Variants in LAMC3 observed in about 807,000 individuals in gnomAD.
LAMC3 encodes laminin subunit gamma-3.
In LAMC3, 128 loss-of-function variants were observed where a neutral mutation model predicts 173.8. The ratio of observed to expected loss-of-function variants is 0.74; its 90% CI spans 0.64 to 0.85. The LOEUF (loss-of-function observed/expected upper bound fraction) is 0.85. Among genes scored for constraint, LAMC3 ranks in the 40% least tolerant of loss-of-function variants. The pLI is 0.00. For missense variants in LAMC3, 2,022 were observed against 2,156.0 expected (o/e 0.94, Z 1.23); for synonymous variants, 897 against 909.1 (o/e 0.99, Z 0.24).
At chr9:131,073,944 C>CTTTTTT (rs57877574) in intron 20 of LAMC3, among the ~76,000 whole-genome samples, 28 of 90,806 alleles carry the variant, frequency 3.1e-4, no homozygotes, top group Non-Finnish European at 4.5e-4. Flanking sequence ...CTTTTCTTTT[C>CTTTTTT]TTTTTTTTTT....
rs767406480 is a variant in LAMC3 at position 131,032,126 on chromosome 9, G to A, written c.760G>A (p.Val254Met). 2 of 1,614,054 alleles carry A rather than the reference G, an allele frequency of 1.2e-6. No homozygotes were observed. The highest frequency in any genetic ancestry group is 2.2e-5 in the South Asian group (2 of 91,068). ...GGACGACATCTTCAAGGACCCCAAG[G>A]TGCTCCAGTCCTACTATTATGCCGT... ...FGDDIFKDPK[V>M]LQSYYYAVSD... The change falls in exon 3 of 28, where the codon GTG becomes ATG. Residue 254 changes from valine to methionine, a missense_variant. Coordinates refer to ENST00000361069, the MANE Select transcript of LAMC3 (RefSeq NM_006059.4).
intron 24 of LAMC3, among the ~76,000 whole-genome samples, chr9:131,084,624 T>G (rs1830298139): frequency 6.6e-6 from 1 of 152,064 alleles, no homozygotes; most frequent in Non-Finnish European, 1.5e-5. Flanking sequence ...CCTCTGGGTG[T>G]GGTGGCTCAC....
At chr9:131,088,370 G>A (rs1293086775) in intron 27 of LAMC3, among the ~76,000 whole-genome samples, 2 of 152,124 alleles carry the variant, frequency 1.3e-5, no homozygotes, top group African/African-American at 2.4e-5. Context: ...ACCACGGTGC[G>A]TGGTGTATGT....
At chr9:131,070,720 A>G (rs1467174902) in intron 17 of LAMC3, among the ~76,000 whole-genome samples, 1 of 152,188 alleles carries the variant, frequency 6.6e-6, no homozygotes, top group Non-Finnish European at 1.5e-5. Flanking sequence ...TCTAAAAAAA[A>G]AAAGATGCAT....
At chr9:131,077,462 A>C in intron 22 of LAMC3, 128 bp downstream of exon 22, 2 of 1,211,906 alleles carry the variant, frequency 1.7e-6, no homozygotes, top group Non-Finnish European at 2.3e-6. Context: ...GGATCACCTG[A>C]GGTCAGGAGT....
intron 4 of LAMC3, among the ~76,000 whole-genome samples, chr9:131,037,339 C>T (rs1375792948): frequency 6.6e-6 from 1 of 152,226 alleles, no homozygotes; most frequent in African/African-American, 2.4e-5. Context: ...TCACCCGCAG[C>T]TGAGACAGCC....
intron 7 of LAMC3, among the ~76,000 whole-genome samples, chr9:131,044,366 C>T (rs982078799): frequency 1.2e-4 from 18 of 151,988 alleles, no homozygotes; most frequent in South Asian, 6.2e-4. Context: ...AAAAATTAGC[C>T]GGGCATGGTG....
chr9:131,036,626 C>T (rs989747073), intron 4 of LAMC3, among the ~76,000 whole-genome samples: 8 of 152,128 alleles, frequency 5.3e-5, no homozygotes, highest in African/African-American at 1.2e-4. Flanking sequence ...TTGTGTTAAC[C>T]GCTCCCACCC....
intron 21 of LAMC3, among the ~76,000 whole-genome samples, chr9:131,076,615 C>T (rs1830132501): frequency 6.6e-6 from 1 of 152,176 alleles, no homozygotes; most frequent in Non-Finnish European, 1.5e-5. Context: ...GGTCTCCACC[C>T]CAGCAATGCC....
intron 1 of LAMC3, among the ~76,000 whole-genome samples, chr9:131,018,376 C>G (rs916758259): frequency 1.3e-5 from 2 of 151,966 alleles, no homozygotes; most frequent in Non-Finnish European, 2.9e-5. Context: ...CTCAGGTGAT[C>G]CCCCTGCCTC....
intron 9 of LAMC3, among the ~76,000 whole-genome samples, chr9:131,051,113 C>T (rs1383745349): frequency 6.6e-6 from 1 of 152,178 alleles, no homozygotes; most frequent in Admixed American, 6.5e-5. Flanking sequence ...GAGCTGTCCA[C>T]CAAAGCTGTG....
chr9:131,091,971 G>A lies in LAMC3; in HGVS notation c.*184G>A. The A allele has an allele frequency of 4.2e-6, 3 of 711,908 alleles. No individual in the cohort carries two copies. The highest frequency in any genetic ancestry group is 7.0e-6 in the Non-Finnish European group (3 of 426,426). The allele number at this position is 711,908 out of a possible 1,614,324, so 44.1% of individuals were successfully genotyped here. On this transcript the variant is annotated 3_prime_UTR_variant, in exon 28 of 28. Transcript: ENST00000361069. Reference sequence around the variant, plus strand: ...TGGCTTCTTCCCTGCCAGCAGGACTGAGTGTGCGTACCCAGTTCACCTGGA... The same window carrying A: ...TGGCTTCTTCCCTGCCAGCAGGACTAAGTGTGCGTACCCAGTTCACCTGGA...
intron 13 of LAMC3, among the ~76,000 whole-genome samples, chr9:131,063,410 T>C (rs1829868738): frequency 6.6e-6 from 1 of 152,160 alleles, no homozygotes; most frequent in Non-Finnish European, 1.5e-5. Flanking sequence ...TGAGGGAGGA[T>C]TTCAGGGGAG....
At position 131,041,412 on chromosome 9, in the gene LAMC3, T is replaced by C. The variant is rs373254796; in HGVS notation, c.1284-225T>C. Among the ~76,000 whole-genome samples, 22 of 147,418 alleles carry C rather than the reference T, an allele frequency of 1.5e-4. No individual in the cohort carries two copies. The East Asian group carries it at 4.4e-3, about 29-fold the overall frequency. ...GATGAGTGAGTGCGTGGATGACAGA[T>C]GGAAGGATCCTGGATGGATGTGTGG... On this transcript the variant is annotated intron_variant, in intron 6 of 27. Transcript: ENST00000361069.
In LAMC3 at chr9:131,009,493, C is replaced by T. The variant is rs770024313; in HGVS notation, c.279C>T (p.Asp93=). 2 of 1,550,936 alleles carry T rather than the reference C, an allele frequency of 1.3e-6. No homozygotes were observed. The highest frequency in any genetic ancestry group is 8.7e-7 in the Non-Finnish European group (1 of 1,147,450). ...QRHHNASYLT[D]FHSQDESTWW... ...ACCACAACGCCTCCTACCTCACCGACTTCCACAGCCAGGACGAGAGCACCT... is the reference window on the plus strand; with the variant it reads ...ACCACAACGCCTCCTACCTCACCGATTTCCACAGCCAGGACGAGAGCACCT... The change falls in exon 1 of 28, where the codon GAC becomes GAT. Residue 93 remains aspartate (D), a synonymous_variant. Transcript: ENST00000361069. The surrounding 1 kb of genome is among the most constrained non-coding windows in gnomAD (Gnocchi z 4.3).
rs11244249 is a variant in LAMC3 at position 131,021,844 on chromosome 9, A to G, written c.374-4441A>G. 1.1e-3 allele frequency among the ~76,000 whole-genome samples: 167 copies of G among 152,316 alleles called. 3 individuals carry two copies. The East Asian group carries it at 0.027, about 25-fold the overall frequency. On this transcript the variant is annotated intron_variant, in intron 1 of 27. Coordinates refer to ENST00000361069, the MANE Select transcript of LAMC3 (RefSeq NM_006059.4). ...GGTAACACATTGACTGGTTTATTAT[A>G]AAGAATATTGCAAAGGACACAGATG...
In LAMC3 at chr9:131,071,560, C is replaced by T. The variant is rs267602145; in HGVS notation, c.3146C>T (p.Pro1049Leu). The T allele has an allele frequency of 6.2e-7, 1 of 1,612,536 alleles. No individual in the cohort carries two copies. Among genetic ancestry groups the T allele is most frequent in the African/African-American group, 1.3e-5 (1 of 75,052 alleles). ...QGSDCGSPWG[P>L]LDILLGEAPR... ...TCCGACTGTGGCAGTCCCTGGGGAC[C>T]ACTAGACATTCTGCTGGGAGAGGCC... The change falls in exon 18 of 28, where the codon CCA (proline) becomes CTA (leucine). Residue 1049 changes from proline to leucine, a missense_variant. Pro to Leu is a moderately conservative substitution (Grantham distance 98). Transcript: ENST00000361069.
chr9:131,030,826 G>T (rs1254120304), intron 2 of LAMC3, among the ~76,000 whole-genome samples: 3 of 152,230 alleles, frequency 2.0e-5, no homozygotes, highest in Non-Finnish European at 4.4e-5. Context: ...CCAGTAGCCG[G>T]CCCAGCAGCA....
In LAMC3 at chr9:131,094,420, G is replaced by GT. The variant is rs994575967; in HGVS notation, c.*2634dup. ...GAGGTGTGCTCCTCCACAGAAAACT[G>GT]TAAAATCAAGGCTACGGTGGGGGAT... is the stretch of plus-strand genomic sequence containing the variant. On this transcript the variant is annotated 3_prime_UTR_variant, in exon 28 of 28. Transcript: ENST00000361069. 6.6e-6 allele frequency: 1 copy of GT among 152,278 alleles called. No individual in the cohort carries two copies. Among genetic ancestry groups the GT allele is most frequent in the African/African-American group, 2.4e-5 (1 of 41,448 alleles). 9.4% of individuals were successfully genotyped at this position (152,278 alleles called of 1,614,324 possible).
Sources: gnomAD v4.1 joint callset for allele counts (sites outside exome capture counted in the v4.1 genomes callset) on GRCh38, gnomAD v4.1.1 for gene constraint, Gnocchi (gnomAD v3.1) non-coding constraint, MANE v1.5 for transcripts, NCBI Gene and HGNC (gene_info 2026-07-23, HGNC 2026-07-21) for gene names.